The following SLC35D4 variants were observed in gnomAD, a reference collection of about 807,000 sequenced individuals.
SLC35D4 encodes the protein solute carrier family 35 member D4.
chr18:23,271,910 A>C, the SLC35D4 span, among the ~76,000 whole-genome samples: 1 of 152,048 alleles, frequency 6.6e-6, no homozygotes, highest in Non-Finnish European at 1.5e-5. Context: ...TGGGAATGGA[A>C]ACTCTGAGGC....
At chr18:23,332,553 C>T in the SLC35D4 span, among the ~76,000 whole-genome samples, 1 of 152,034 alleles carries the variant, frequency 6.6e-6, no homozygotes, top group African/African-American at 2.4e-5. Context: ...AGAGTTAATA[C>T]CACATTTTCT....
At chr18:23,427,495 C>T in the SLC35D4 span, among the ~76,000 whole-genome samples, 151 of 151,918 alleles carry the variant, frequency 9.9e-4, no homozygotes, top group African/African-American at 3.5e-3. Context: ...GTTAGAATGG[C>T]GATCATTAAA....
the SLC35D4 span, among the ~76,000 whole-genome samples, chr18:23,379,924 C>T: frequency 2.6e-5 from 4 of 152,088 alleles, no homozygotes; most frequent in South Asian, 4.2e-4. Context: ...GGCGAAACCC[C>T]GTCTCTACTA....
the SLC35D4 span, among the ~76,000 whole-genome samples, chr18:23,418,385 T>TATTATTATTATTA: frequency 6.8e-6 from 1 of 146,746 alleles, no homozygotes; most frequent in African/African-American, 2.5e-5. Flanking sequence ...TTATTATTAT[T>TATTATTATTATTA]TTTTGAGACA....
At chr18:23,289,665 G>A in the SLC35D4 span, among the ~76,000 whole-genome samples, 1 of 152,196 alleles carries the variant, frequency 6.6e-6, no homozygotes, top group Admixed American at 6.5e-5. Context: ...AGGCCTCTGA[G>A]CCCAAGCTAA....
the SLC35D4 span, among the ~76,000 whole-genome samples, chr18:23,386,949 G>A: frequency 2.0e-5 from 3 of 152,134 alleles, no homozygotes; most frequent in Admixed American, 6.5e-5. Flanking sequence ...TCGCTCTGCC[G>A]CCTGGGCTGG....
the SLC35D4 span, among the ~76,000 whole-genome samples, chr18:23,404,754 G>A: frequency 1.1e-4 from 17 of 150,782 alleles, no homozygotes; most frequent in Non-Finnish European, 2.2e-4. Context: ...TTGGGAGGCC[G>A]AGGCAGGCAG....
chr18:23,305,827 C>A, the SLC35D4 span, among the ~76,000 whole-genome samples: 1 of 152,220 alleles, frequency 6.6e-6, no homozygotes, highest in Non-Finnish European at 1.5e-5. Context: ...TCAGGCAGGG[C>A]AATGAGCATC....
the SLC35D4 span, among the ~76,000 whole-genome samples, chr18:23,321,308 G>C: frequency 1.3e-5 from 2 of 152,126 alleles, no homozygotes; most frequent in East Asian, 3.8e-4. Flanking sequence ...CCTGTCACAA[G>C]GTACAACAGT....
the SLC35D4 span, among the ~76,000 whole-genome samples, chr18:23,416,321 C>T: frequency 6.6e-6 from 1 of 152,154 alleles, no homozygotes; most frequent in Admixed American, 6.5e-5. Context: ...AACTTAGGAC[C>T]CACTCTCCAG....
chr18:23,326,074 T>A, the SLC35D4 span, among the ~76,000 whole-genome samples: 35 of 152,368 alleles, frequency 2.3e-4, no homozygotes, highest in Admixed American at 1.4e-3. Context: ...ATCTCCAAAA[T>A]GCTGGGGGAC....
At chr18:23,276,627 A>G in the SLC35D4 span, among the ~76,000 whole-genome samples, 8 of 152,054 alleles carry the variant, frequency 5.3e-5, no homozygotes, top group Non-Finnish European at 1.2e-4. Context: ...AGTCCCACCC[A>G]TATGCACTTG....
At chr18:23,253,614 C>A in the SLC35D4 span, 1 of 860,342 alleles carries the variant, frequency 1.2e-6, no homozygotes, top group Non-Finnish European at 1.8e-6. Context: ...AATCCCAGTC[C>A]AGATCACCCT....
the SLC35D4 span, among the ~76,000 whole-genome samples, chr18:23,361,102 T>C: frequency 2.4e-3 from 28 of 11,704 alleles, no homozygotes; most frequent in African/African-American, 7.8e-3. Context: ...AGACTTTGTC[T>C]CAAAAAAAAA....
chr18:23,402,515 A>G, the SLC35D4 span, among the ~76,000 whole-genome samples: 1 of 152,224 alleles, frequency 6.6e-6, no homozygotes, highest in Non-Finnish European at 1.5e-5. Context: ...GCAAAAGATG[A>G]TTCCCTAGGC....
chr18:23,343,835 GT>G, the SLC35D4 span, among the ~76,000 whole-genome samples: 1 of 151,386 alleles, frequency 6.6e-6, no homozygotes, highest in South Asian at 2.1e-4. Flanking sequence ...CTATTCCTAT[GT>G]TGTTTCGCTT....
the SLC35D4 span, among the ~76,000 whole-genome samples, chr18:23,245,016 C>G: frequency 6.6e-6 from 1 of 152,228 alleles, no homozygotes; most frequent in Non-Finnish European, 1.5e-5. Flanking sequence ...AACAACCTGT[C>G]TGCTCTGAGA....
chr18:23,406,303 T>C, the SLC35D4 span, among the ~76,000 whole-genome samples: 1 of 152,168 alleles, frequency 6.6e-6, no homozygotes, highest in Admixed American at 6.5e-5. Flanking sequence ...CTGGGCTATG[T>C]TCTCAGTTCT....
the SLC35D4 span, among the ~76,000 whole-genome samples, chr18:23,238,941 G>A: frequency 6.6e-6 from 1 of 152,218 alleles, no homozygotes; most frequent in Non-Finnish European, 1.5e-5. Flanking sequence ...CAGATTTCTA[G>A]GTAACCAAGA....
Sources: gnomAD v4.1 joint callset for allele counts (sites outside exome capture counted in the v4.1 genomes callset) on GRCh38, gnomAD v4.1.1 for gene constraint, MANE v1.5 for transcripts, NCBI Gene and HGNC (gene_info 2026-07-23, HGNC 2026-07-21) for gene names.